TMEM259: variants seen among roughly 807,000 people sequenced by gnomAD.
TMEM259 encodes the protein membralin.
TMEM259 carries 26 observed loss-of-function variants against 46.7 expected under a neutral mutation model. The observed-to-expected ratio is 0.56, with a 90% CI of 0.41 to 0.77. The LOEUF (loss-of-function observed/expected upper bound fraction) is 0.77. TMEM259 is among the 30% of genes least tolerant of loss of function. The pLI is 0.00. For synonymous variants in TMEM259, 494 were observed against 395.1 expected (o/e 1.25, Z -2.97); for missense variants, 930 against 900.5 (o/e 1.03, Z -0.42).
At chr19:1,013,413 C>T in intron 2 of TMEM259, 73 bp from the exon 3 acceptor site, 1 of 1,471,572 alleles carries the variant, frequency 6.8e-7, no homozygotes, top group Non-Finnish European at 9.5e-7. Context: ...AGGATACAGT[C>T]CTGCTAATGG....
chr19:1,017,224 C>G, intron 1 of TMEM259: 1 of 400,124 alleles, frequency 2.5e-6, no homozygotes, highest in Non-Finnish European at 4.4e-6. Context: ...GGCCCTGAGC[C>G]ACACGCCCAG....
In TMEM259 at chr19:1,009,781, C is replaced by G. The variant is rs1208555140; in HGVS notation, c.*569G>C. The G allele has an allele frequency of 3.6e-6, 2 of 555,988 alleles. No homozygotes were observed. Among genetic ancestry groups the G allele is most frequent in the Non-Finnish European group, 5.8e-6 (2 of 345,840 alleles). 34.4% of individuals were successfully genotyped at this position (555,988 alleles called of 1,614,324 possible). A position where few individuals can be genotyped will look rare whatever the true frequency, so the allele number is the denominator to read the frequency against. On this transcript the variant is annotated 3_prime_UTR_variant, in exon 11 of 11. Transcript: ENST00000356663. ...TTTGGCCGCCGGCCCACTCCATCCCCGAGTGGGACTGGACCACGGCCCTGG... is the reference window on the plus strand; with the variant it reads ...TTTGGCCGCCGGCCCACTCCATCCCGGAGTGGGACTGGACCACGGCCCTGG...
chr19:1,013,421 T>C, intron 2 of TMEM259, 81 bp from the exon 3 acceptor site: 2 of 1,419,422 alleles, frequency 1.4e-6, no homozygotes, highest in Non-Finnish European at 2.0e-6. Flanking sequence ...GTCCTGCTAA[T>C]GGGAAGGGAC....
At chr19:1,018,628 T>C (rs2039186025) in intron 1 of TMEM259, among the ~76,000 whole-genome samples, 1 of 152,128 alleles carries the variant, frequency 6.6e-6, no homozygotes, top group Non-Finnish European at 1.5e-5. Context: ...TAAGTAAAAG[T>C]GAAGGCAGCA....
Position 1,014,183 on chromosome 19 carries a change from C to T in TMEM259, c.507+9G>A. On this transcript the variant is annotated intron_variant, in intron 2 of 10. Transcript: ENST00000356663. The stretch of plus-strand genomic sequence containing the variant: ...GCCTCTGCTGCAGCTGAGCCCAGGC[C>T]TGGCTCACCTTGATGGAGCTGTTCC... The T allele has an allele frequency of 6.3e-7, 1 of 1,599,842 alleles. No homozygotes were observed. The highest frequency in any genetic ancestry group is 8.6e-7 in the Non-Finnish European group (1 of 1,168,802).
At chr19:1,015,141 G>C (rs1272736512) in intron 1 of TMEM259, among the ~76,000 whole-genome samples, 1 of 152,244 alleles carries the variant, frequency 6.6e-6, no homozygotes, top group Non-Finnish European at 1.5e-5. Flanking sequence ...AGGCCTGGCG[G>C]GGCCAGCCGC....
In TMEM259 at chr19:1,020,353, C is replaced by G. The variant is rs1388192779; in HGVS notation, c.225+419G>C. Among the ~76,000 whole-genome samples, 1 of 152,026 alleles carries G rather than the reference C, an allele frequency of 6.6e-6. No homozygotes were observed. The highest frequency in any genetic ancestry group is 1.5e-5 in the Non-Finnish European group (1 of 68,006). On this transcript the variant is annotated intron_variant, in intron 1 of 10. Transcript: ENST00000356663. The surrounding 1 kb of genome is among the most constrained non-coding windows in gnomAD (Gnocchi z 4.0). ...GGAGAGAGGCCTCGGAACTGAGGGT[C>G]TCAGGCGGCACAGTCAGGGGTCAAA...
At chr19:1,014,930 C>T (rs1258038887) in intron 1 of TMEM259, among the ~76,000 whole-genome samples, 1 of 152,330 alleles carries the variant, frequency 6.6e-6, no homozygotes, top group South Asian at 2.1e-4. Flanking sequence ...CAACGGCTCC[C>T]GCCCTGCAAG....
chr19:1,014,530 A>C, intron 1 of TMEM259, 57 bp from the exon 2 acceptor site: 1 of 1,557,468 alleles, frequency 6.4e-7, no homozygotes, highest in Non-Finnish European at 8.7e-7. Context: ...GCCGACACCC[A>C]AGGGCCTACG....
At chr19:1,016,793 A>G (rs2039126453) in intron 1 of TMEM259, among the ~76,000 whole-genome samples, 1 of 152,330 alleles carries the variant, frequency 6.6e-6, no homozygotes, top group South Asian at 2.1e-4. Flanking sequence ...GTCCAGGGTC[A>G]GCGGGAGAGG....
intron 4 of TMEM259, 129 bp from the exon 5 acceptor site, chr19:1,012,317 G>T: frequency 1.3e-6 from 2 of 1,500,588 alleles, no homozygotes; most frequent in South Asian, 2.6e-5. Flanking sequence ...ACCCATCCAG[G>T]ACCCCAGCCC....
intron 3 of TMEM259, among the ~76,000 whole-genome samples, 176 bp downstream of exon 3, chr19:1,013,065 G>A (rs1040754139): frequency 1.4e-4 from 22 of 152,200 alleles, no homozygotes; most frequent in African/African-American, 5.3e-4. Context: ...AGGCTCTGGG[G>A]TGTCCCCACA....
At position 1,010,818 on chromosome 19, in the gene TMEM259, AAGC is replaced by A; in HGVS notation, c.1392_1394del (p.Leu465del). The A allele has an allele frequency of 6.3e-7, 1 of 1,587,170 alleles. No individual in the cohort carries two copies. The highest frequency in any genetic ancestry group is 8.5e-7 in the Non-Finnish European group (1 of 1,174,998). On this transcript the variant is annotated inframe_deletion, in exon 11 of 11. Transcript: ENST00000356663. ...TCCCGGGGCCCAGTGGCGGCGCCTG[AAGC>A]AGCATCTCCTGGATGCGGACCTGCT...
chr19:1,019,206 A>C (rs62131166), intron 1 of TMEM259, among the ~76,000 whole-genome samples: 316 of 152,304 alleles, frequency 2.1e-3, no homozygotes, highest in Middle Eastern at 6.8e-3. Flanking sequence ...AAACCGGGAC[A>C]TGGTGGGACC....
At chr19:1,012,962 G>A (rs114820160) in intron 3 of TMEM259, among the ~76,000 whole-genome samples, 4,167 of 152,254 alleles carry the variant, frequency 0.027, 180 homozygotes, top group African/African-American at 0.096. Flanking sequence ...AGCACAGCCC[G>A]CTAGAACTCT....
At chr19:1,017,961 G>A (rs1568408267) in intron 1 of TMEM259, among the ~76,000 whole-genome samples, 1 of 152,110 alleles carries the variant, frequency 6.6e-6, no homozygotes, top group Non-Finnish European at 1.5e-5. Context: ...CCCCCATTCA[G>A]AGCAGGGCCC....
At chr19:1,011,522 T>A (rs927211079) in intron 8 of TMEM259, 23 bp from the exon 9 acceptor site, 3 of 1,539,740 alleles carry the variant, frequency 1.9e-6, no homozygotes, top group Admixed American at 2.0e-5. Flanking sequence ...GCGGCGCCGG[T>A]TGAAGCGGGC....
chr19:1,014,225 C>T lies in TMEM259; in HGVS notation c.474G>A (p.Leu158=), dbSNP rs1298843824. The part of the protein sequence containing the change: ...LDMEDEEEEE[L]TMEMFGNSSI... ...AGCTGTTCCCAAACATCTCCATGGT[C>T]AGCTCTTCCTCCTCCTCATCTTCCA... Residue 158 remains leucine (L), a synonymous_variant, in exon 2 of 11, where the codon CTG becomes CTA. Transcript: ENST00000356663. The T allele has an allele frequency of 2.5e-6, 4 of 1,611,260 alleles. No individual in the cohort carries two copies. The highest frequency in any genetic ancestry group is 1.3e-5 in the African/African-American group (1 of 74,898).
intron 1 of TMEM259, chr19:1,017,439 C>A: frequency 2.5e-6 from 1 of 400,236 alleles, no homozygotes. Context: ...CCTTCCCACA[C>A]GCTCTCCAGC....
Sources: gnomAD v4.1 joint callset for allele counts (sites outside exome capture counted in the v4.1 genomes callset) on GRCh38, gnomAD v4.1.1 for gene constraint, Gnocchi (gnomAD v3.1) non-coding constraint, MANE v1.5 for transcripts, NCBI Gene and HGNC (gene_info 2026-07-23, HGNC 2026-07-21) for gene names.